ZNF729: variants seen among roughly 807,000 people sequenced by gnomAD.
The protein encoded by ZNF729 is zinc finger protein 729.
A neutral mutation model predicts 12.2 loss-of-function variants in ZNF729; 15 were observed. That is an observed-to-expected ratio of 1.23 (90% confidence interval 0.82 to 1.89). The LOEUF (loss-of-function observed/expected upper bound fraction) is 1.89. ZNF729 is among the 40% of genes most tolerant of loss of function. The probability of loss-of-function intolerance (pLI) is 0.00; values close to 1 mark genes in which losing one functional copy is unlikely to be tolerated. For missense variants in ZNF729, 1,540 were observed against 1,456.7 expected (o/e 1.06, Z -0.93); for synonymous variants, 492 against 476.3 (o/e 1.03, Z -0.43).
At chr19:22,296,146 C>T (rs957604291) in intron 1 of ZNF729, among the ~76,000 whole-genome samples, 5 of 152,254 alleles carry the variant, frequency 3.3e-5, no homozygotes, top group African/African-American at 7.2e-5. Flanking sequence ...TTCTATATAA[C>T]GAGCTAAGGA....
Position 22,314,079 on chromosome 19 carries a change from C to T in ZNF729, c.662C>T (p.Ser221Leu), listed in dbSNP as rs1161110163. Residue 221 changes from serine (S) to leucine (L), a missense_variant, in exon 4 of 4, where the codon TCA becomes TTA. Transcript: ENST00000601693. Reference protein sequence around the residue: ...EERGKAFKSFSTLTKHKIIHT... With the variant: ...EERGKAFKSFLTLTKHKIIHT... ...CGTGGCAAAGCCTTTAAATCGTTCT[C>T]AACCCTTACTAAACATAAGATAATT... 7 of 1,545,546 alleles carry T rather than the reference C, an allele frequency of 4.5e-6. No individual in the cohort carries two copies. The highest frequency in any genetic ancestry group is 4.4e-6 in the Non-Finnish European group (5 of 1,146,632).
At chr19:22,291,797 G>A (rs1319368312) in intron 1 of ZNF729, among the ~76,000 whole-genome samples, 1 of 152,168 alleles carries the variant, frequency 6.6e-6, no homozygotes, top group Non-Finnish European at 1.5e-5. Context: ...GCAGTGGCAC[G>A]ATCTCGGCTC....
chr19:22,293,522 C>T (rs1167767956), intron 1 of ZNF729, among the ~76,000 whole-genome samples: 32 of 40,280 alleles, frequency 7.9e-4, no homozygotes, highest in African/African-American at 2.1e-3. Flanking sequence ...GAGACAGTTT[C>T]GCTCTTGTTT....
At chr19:22,286,931 C>T (rs1210756561) in intron 1 of ZNF729, among the ~76,000 whole-genome samples, 5 of 152,280 alleles carry the variant, frequency 3.3e-5, no homozygotes, top group Admixed American at 2.6e-4. Context: ...TTTCCAGTCC[C>T]TCTTTTCTTC....
At chr19:22,301,921 C>T (rs1203944093) in intron 1 of ZNF729, among the ~76,000 whole-genome samples, 3 of 152,312 alleles carry the variant, frequency 2.0e-5, no homozygotes, top group Non-Finnish European at 4.4e-5. Context: ...GTTCCATTTT[C>T]TATTTATAAC....
At chr19:22,307,402 C>A (rs1191661318) in intron 3 of ZNF729, among the ~76,000 whole-genome samples, 4 of 125,608 alleles carry the variant, frequency 3.2e-5, no homozygotes, top group Non-Finnish European at 5.0e-5. Flanking sequence ...TTATTTTTTA[C>A]TGTTTTTAAA....
At chr19:22,309,688 G>T (rs1490549082) in intron 3 of ZNF729, among the ~76,000 whole-genome samples, 1 of 148,466 alleles carries the variant, frequency 6.7e-6, no homozygotes, top group East Asian at 1.9e-4. Context: ...GGCTATGCAG[G>T]CTTTTTTTTT....
intron 1 of ZNF729, among the ~76,000 whole-genome samples, chr19:22,296,917 A>T (rs1199743512): frequency 7.1e-6 from 1 of 140,816 alleles, no homozygotes; most frequent in Non-Finnish European, 1.6e-5. Flanking sequence ...TATGTATTGA[A>T]TTGTAATTTT....
At chr19:22,298,095 T>C (rs1968255866) in intron 1 of ZNF729, among the ~76,000 whole-genome samples, 1 of 150,792 alleles carries the variant, frequency 6.6e-6, no homozygotes. Context: ...TGAAAGATAC[T>C]GAGTACATTT....
intron 1 of ZNF729, among the ~76,000 whole-genome samples, chr19:22,297,287 GT>G (rs35796469): frequency 0.36 from 51,860 of 143,470 alleles, 9,634 homozygotes; most frequent in Non-Finnish European, 0.43. Flanking sequence ...TTTCTCTTCT[GT>G]TTTTTTTTTT....
chr19:22,291,898 T>A (rs1302271836), intron 1 of ZNF729, among the ~76,000 whole-genome samples: 2 of 152,128 alleles, frequency 1.3e-5, no homozygotes, highest in Admixed American at 6.5e-5. Context: ...CACGCCCCGC[T>A]AATTTTTGTA....
In ZNF729 at chr19:22,316,127, G is replaced by C. The variant is rs746060288; in HGVS notation, c.2710G>C (p.Ala904Pro). 2.5e-6 allele frequency: 4 copies of C among 1,609,064 alleles called. No homozygotes were observed. Among genetic ancestry groups the C allele is most frequent in the African/African-American group, 2.7e-5 (2 of 74,578 alleles). The change falls in exon 4 of 4, where the codon GCA (alanine) becomes CCA (proline). Residue 904 changes from alanine (A) to proline (P), a missense_variant. Transcript: ENST00000601693. ...TACTGTACATAAGGTAATTCATACT[G>C]CAGAGAAACCCTGTAAATGTGAAGA... ...KLTVHKVIHT[A>P]EKPCKCEECG...
chr19:22,310,419 G>A (rs978522751), intron 3 of ZNF729, among the ~76,000 whole-genome samples: 2 of 151,990 alleles, frequency 1.3e-5, no homozygotes, highest in African/African-American at 2.4e-5. Context: ...AAGGGATGTT[G>A]GATTTTGTTG....
rs1230962255 is a variant in ZNF729 at position 22,316,817 on chromosome 19, T to A, written c.3400T>A (p.Cys1134Ser). 6.2e-7 allele frequency: 1 copy of A among 1,613,172 alleles called. No individual in the cohort carries two copies. Among genetic ancestry groups the A allele is most frequent in the South Asian group, 1.1e-5 (1 of 90,952 alleles). ...IIHTGEKPYK[C>S]EECGKAFSQS... is the part of the protein sequence containing the mutation. ...TCATACTGGGGAGAAACCCTACAAA[T>A]GTGAAGAATGTGGCAAAGCCTTTAG... Residue 1134 changes from cysteine to serine, a missense_variant, in exon 4 of 4, where the codon TGT (cysteine) becomes AGT (serine). Coordinates refer to ENST00000601693, the MANE Select transcript of ZNF729 (RefSeq NM_001242680.2).
Position 22,317,034 on chromosome 19 carries a change from A to T in ZNF729, c.3617A>T (p.His1206Leu), listed in dbSNP as rs750227971. 2.5e-6 allele frequency: 4 copies of T among 1,610,790 alleles called. No homozygotes were observed. The Admixed American group carries it at 6.7e-5, about 27-fold the overall frequency. The change falls in exon 4 of 4, where the codon CAT becomes CTT. Residue 1206 changes from histidine to leucine, a missense_variant. Transcript: ENST00000601693. Reference protein sequence around the residue: ...AFIQCSYLIRHKTIHTREKPT... With the variant: ...AFIQCSYLIRLKTIHTREKPT... ...ATTCAGTGCTCATACCTTATTAGAC[A>T]TAAAACAATTCATACCAGAGAGAAA...
chr19:22,304,567 G>T, intron 2 of ZNF729, 121 bp from the exon 3 acceptor site: 1 of 841,930 alleles, frequency 1.2e-6, no homozygotes, highest in Non-Finnish European at 1.8e-6. Flanking sequence ...ATTTAGAAAT[G>T]TATGTTATAA....
At position 22,315,978 on chromosome 19, in the gene ZNF729, G is replaced by A; in HGVS notation, c.2561G>A (p.Cys854Tyr). Residue 854 changes from cysteine to tyrosine, a missense_variant, in exon 4 of 4, where the codon TGT (cysteine) becomes TAT (tyrosine). Transcript: ENST00000601693. ...VIHTGKKPYK[C>Y]EECGKAFSQS... is the part of the protein sequence containing the mutation. ...CATACTGGAAAGAAACCCTACAAAT[G>A]TGAAGAATGTGGCAAAGCTTTTAGC... 1.2e-6 allele frequency: 2 copies of A among 1,611,288 alleles called. No homozygotes were observed. Among genetic ancestry groups the A allele is most frequent in the Non-Finnish European group, 1.7e-6 (2 of 1,179,764 alleles).
In ZNF729 at chr19:22,313,721, G is replaced by T; in HGVS notation, c.304G>T (p.Asp102Tyr). Residue 102 changes from aspartate to tyrosine, a missense_variant, in exon 4 of 4, where the codon GAT becomes TAT. Coordinates refer to ENST00000601693, the MANE Select transcript of ZNF729 (RefSeq NM_001242680.2). ...CCTTTGGCCAGATCAGAGCACAAAA[G>T]ATTCTTTCCAAGAAGTAATACTGAG... ...QDLWPDQSTK[D>Y]SFQEVILRTY... is the part of the protein sequence containing the mutation. 1 of 1,563,672 alleles carries T rather than the reference G, an allele frequency of 6.4e-7. No homozygotes were observed. The highest frequency in any genetic ancestry group is 8.6e-7 in the Non-Finnish European group (1 of 1,160,814).
At chr19:22,302,240 T>A (rs1205166226) in intron 1 of ZNF729, among the ~76,000 whole-genome samples, 1 of 152,308 alleles carries the variant, frequency 6.6e-6, no homozygotes, top group South Asian at 2.1e-4. Context: ...AACTAATAGC[T>A]TCCATTTCAT....
Sources: allele counts gnomAD v4.1 joint callset (sites outside exome capture counted in the v4.1 genomes callset), GRCh38; gene constraint gnomAD v4.1.1; transcripts MANE v1.5; gene names NCBI Gene and HGNC (gene_info 2026-07-23, HGNC 2026-07-21).